ANKRD44: variants seen among roughly 807,000 people sequenced by gnomAD.
ANKRD44 encodes ankyrin repeat domain 44.
Under a neutral mutation model 116.0 loss-of-function variants are expected in ANKRD44, and 35 were observed. The observed-to-expected ratio is 0.30, with a 90% confidence interval of 0.23 to 0.40. The LOEUF is 0.40. Among genes scored for constraint, ANKRD44 ranks in the 10% least tolerant of loss-of-function variants. The probability of loss-of-function intolerance (pLI) is 1.00; values close to 1 mark genes in which losing one functional copy is unlikely to be tolerated. For synonymous variants in ANKRD44, 435 were observed against 461.8 expected (o/e 0.94, Z 0.74); for missense variants, 1,014 against 1,242.6 (o/e 0.82, Z 2.77).
chr2:197,213,511 G>C (rs1169351320), intron 1 of ANKRD44, among the ~76,000 whole-genome samples: 1 of 152,104 alleles, frequency 6.6e-6, no homozygotes, highest in Admixed American at 6.5e-5. Flanking sequence ...CTCATTAGAT[G>C]ATATAAAAAA....
At chr2:197,254,598 TACACAC>T (rs3057783) in intron 1 of ANKRD44, among the ~76,000 whole-genome samples, 26,748 of 148,160 alleles carry the variant, frequency 0.18, 2,376 homozygotes, top group Middle Eastern at 0.28. Context: ...CATACATGCA[TACACAC>T]ACACACACAC....
chr2:197,129,530 T>C (rs956684392), intron 4 of ANKRD44, among the ~76,000 whole-genome samples: 2 of 152,222 alleles, frequency 1.3e-5, no homozygotes, highest in African/African-American at 4.8e-5. Flanking sequence ...TTTAGGATTG[T>C]AGGCCTTGTT....
chr2:197,102,436 C>T (rs2078315436), intron 9 of ANKRD44, among the ~76,000 whole-genome samples: 1 of 152,176 alleles, frequency 6.6e-6, no homozygotes, highest in African/African-American at 2.4e-5. Context: ...CTAACCAGCA[C>T]AGTATGAGAG....
At chr2:197,136,051 G>A in intron 4 of ANKRD44, 2 of 161,616 alleles carry the variant, frequency 1.2e-5, no homozygotes, top group South Asian at 1.7e-4. Context: ...ATTCTCCATT[G>A]CTCAGAGGAT....
chr2:197,180,326 A>G (rs1410365044), intron 2 of ANKRD44, among the ~76,000 whole-genome samples: 1 of 152,216 alleles, frequency 6.6e-6, no homozygotes, highest in African/African-American at 2.4e-5. Flanking sequence ...TGGAACCGAC[A>G]TTTAACAATT....
intron 3 of ANKRD44, among the ~76,000 whole-genome samples, chr2:197,145,286 G>C (rs185284059): frequency 8.6e-6 from 1 of 115,662 alleles, no homozygotes; most frequent in African/African-American, 3.2e-5. Flanking sequence ...GCAAGACTCC[G>C]TCTCAAAAAT....
intron 2 of ANKRD44, among the ~76,000 whole-genome samples, chr2:197,185,908 A>T (rs1038485690): frequency 6.6e-6 from 1 of 152,182 alleles, no homozygotes; most frequent in Non-Finnish European, 1.5e-5. Context: ...GATAGTAAAT[A>T]TCTTTGGCTT....
chr2:197,243,091 G>A (rs1166502937), intron 1 of ANKRD44, among the ~76,000 whole-genome samples: 2 of 152,196 alleles, frequency 1.3e-5, no homozygotes, highest in South Asian at 2.1e-4. Flanking sequence ...CACTGAGCAA[G>A]TGCTCTAATG....
chr2:197,233,722 A>T (rs2125773130), intron 1 of ANKRD44, among the ~76,000 whole-genome samples: 1 of 152,356 alleles, frequency 6.6e-6, no homozygotes, highest in Non-Finnish European at 1.5e-5. Context: ...CCTTTTGCCA[A>T]GAAAAAACAA....
Position 197,102,970 on chromosome 2 carries a change from C to T in ANKRD44, c.986-3040G>A, listed in dbSNP as rs571959594. Among the ~76,000 whole-genome samples the T allele has an allele frequency of 2.0e-4, 31 of 152,094 alleles. No individual in the cohort carries two copies. The South Asian group carries it at 6.0e-3, about 29-fold the overall frequency. The stretch of plus-strand genomic sequence containing the variant: ...GGTGGCGGGGCGTGGTGGCTCATGC[C>T]TGTAATCCCAGCACTCTGGGAGGCC... On this transcript the variant is annotated intron_variant, in intron 9 of 27. Transcript: ENST00000282272.
chr2:197,191,230 A>G (rs1475111514), intron 1 of ANKRD44, among the ~76,000 whole-genome samples: 1 of 152,206 alleles, frequency 6.6e-6, no homozygotes, highest in African/African-American at 2.4e-5. Flanking sequence ...CAAAAGCACA[A>G]GTGGGATTTG....
In ANKRD44 at chr2:197,076,746, A is replaced by T. The variant is rs1161233750; in HGVS notation, c.1650+1957T>A. 2.5e-3 allele frequency among the ~76,000 whole-genome samples: 377 copies of T among 152,236 alleles called. 1 individual carries two copies. The highest frequency in any genetic ancestry group is 0.016 in the East Asian group (84 of 5,176). ...ATTTAGCTCCCCCTTATAAGTGAGA[A>T]CATGCAGTATTTGGTTTCTTGCTCC... On this transcript the variant is annotated intron_variant, in intron 16 of 27. Coordinates refer to ENST00000282272, the MANE Select transcript of ANKRD44 (RefSeq NM_001195144.2).
chr2:197,148,963 T>A, intron 2 of ANKRD44, among the ~76,000 whole-genome samples: 1 of 152,242 alleles, frequency 6.6e-6, no homozygotes, highest in East Asian at 1.9e-4. Flanking sequence ...CATGTTAGCT[T>A]ATTTGAGAAT....
At chr2:197,205,721 G>A (rs1271752421) in intron 1 of ANKRD44, among the ~76,000 whole-genome samples, 1 of 152,196 alleles carries the variant, frequency 6.6e-6, no homozygotes, top group African/African-American at 2.4e-5. Flanking sequence ...AATCTAGAGA[G>A]GAGGAAGAAA....
At chr2:197,195,275 C>T (rs142338451) in intron 1 of ANKRD44, among the ~76,000 whole-genome samples, 222 of 152,278 alleles carry the variant, frequency 1.5e-3, no homozygotes, top group African/African-American at 5.1e-3. Flanking sequence ...GCACTGTACC[C>T]AGCCTTTACC....
chr2:197,075,421 T>C (rs537329591), intron 16 of ANKRD44, among the ~76,000 whole-genome samples: 2 of 152,310 alleles, frequency 1.3e-5, no homozygotes, highest in South Asian at 4.1e-4. Context: ...CAAGAAGCTT[T>C]ATTAGCCAAG....
chr2:196,980,482 T>C (rs973169202), intron 21 of ANKRD44, among the ~76,000 whole-genome samples: 1 of 152,196 alleles, frequency 6.6e-6, no homozygotes, highest in South Asian at 2.1e-4. Context: ...AAAATTGAGA[T>C]TTTTCAGGAA....
intron 15 of ANKRD44, 77 bp downstream of exon 15, chr2:197,081,568 C>T (rs990835140): frequency 4.6e-6 from 6 of 1,312,432 alleles, no homozygotes; most frequent in African/African-American, 1.5e-5. Context: ...AATAGTAAGG[C>T]AGGCAACGTG....
intron 1 of ANKRD44, among the ~76,000 whole-genome samples, chr2:197,243,037 G>A (rs1015628279): frequency 6.6e-6 from 1 of 152,176 alleles, no homozygotes; most frequent in African/African-American, 2.4e-5. Flanking sequence ...TTACAGCTCT[G>A]CTGGAACTCA....
Sources: allele counts gnomAD v4.1 joint callset (sites outside exome capture counted in the v4.1 genomes callset), GRCh38; gene constraint gnomAD v4.1.1; transcripts MANE v1.5; gene names NCBI Gene and HGNC (gene_info 2026-07-23, HGNC 2026-07-21).